The following AP2A1 variants were observed in gnomAD, a reference collection of about 807,000 sequenced individuals.
The protein encoded by AP2A1 is AP-2 complex subunit alpha-1.
AP2A1 carries 21 observed loss-of-function variants against 107.3 expected under a neutral mutation model. The observed-to-expected ratio is 0.20, with a 90% CI of 0.14 to 0.28. The LOEUF is 0.28. Among genes scored for constraint, AP2A1 ranks in the 10% least tolerant of loss-of-function variants. The probability of loss-of-function intolerance (pLI) is 1.00; values close to 1 mark genes in which losing one functional copy is unlikely to be tolerated. For missense variants in AP2A1, 873 were observed against 1,307.7 expected, an observed-to-expected ratio of 0.67 and a Z score of 5.13; for synonymous variants, 602 against 564.8, an observed-to-expected ratio of 1.07 and a Z score of -0.93.
At chr19:49,784,706 C>T (rs1161000081) in intron 4 of AP2A1, among the ~76,000 whole-genome samples, 4 of 151,834 alleles carry the variant, frequency 2.6e-5, no homozygotes, top group African/African-American at 7.3e-5. Flanking sequence ...ACCCTATTGC[C>T]ACAAAAACTA....
chr19:49,790,340 C>T (rs1018500192), intron 4 of AP2A1, among the ~76,000 whole-genome samples: 1 of 152,138 alleles, frequency 6.6e-6, no homozygotes, highest in Non-Finnish European at 1.5e-5. Context: ...TTATAAGGAC[C>T]CTGTGATGAC....
intron 1 of AP2A1, among the ~76,000 whole-genome samples, chr19:49,768,891 CT>C (rs1342188198): frequency 6.6e-6 from 1 of 152,158 alleles, no homozygotes; most frequent in Non-Finnish European, 1.5e-5. Flanking sequence ...TTGACAAATA[CT>C]TTTTGATTGC....
Position 49,798,698 on chromosome 19 carries a change from G to A in AP2A1, c.815-104G>A, listed in dbSNP as rs550184161. On this transcript the variant is annotated intron_variant, in intron 7 of 22. Coordinates refer to ENST00000354293, the MANE Select transcript of AP2A1 (RefSeq NM_130787.3). ...AATTCTCGAGTGTCAGAGGCACCCC[G>A]AGCTCCTCCTTTGGAAGACAGGAGC... 2.1e-5 allele frequency: 30 copies of A among 1,438,662 alleles called. No homozygotes were observed. The African/African-American group carries it at 3.1e-4, about 15-fold the overall frequency. The allele number at this position is 1,438,662 out of a possible 1,614,324, so 89.1% of individuals were successfully genotyped here. A position where few individuals can be genotyped will look rare whatever the true frequency, so the allele number is the denominator to read the frequency against.
intron 7 of AP2A1, 36 bp from the exon 8 acceptor site, chr19:49,798,766 G>T (rs907771697): frequency 1.3e-6 from 2 of 1,589,126 alleles, no homozygotes; most frequent in East Asian, 4.6e-5. Context: ...AGGTGGGCAG[G>T]ACACTCAGCC....
rs938373388 is a variant in AP2A1 at position 49,773,412 on chromosome 19, G to C, written c.67+6212G>C. Among the ~76,000 whole-genome samples the C allele has an allele frequency of 2.6e-5, 4 of 152,166 alleles. No individual in the cohort carries two copies. The East Asian group carries it at 7.7e-4, about 29-fold the overall frequency. Reference sequence around the variant, plus strand: ...GGTGATCCACTGCAGTGGTGACATCGAGCCCAGGCCCTGGGTCTCACTCCA... The same window carrying C: ...GGTGATCCACTGCAGTGGTGACATCCAGCCCAGGCCCTGGGTCTCACTCCA... On this transcript the variant is annotated intron_variant, in intron 1 of 22. Coordinates refer to ENST00000354293, the MANE Select transcript of AP2A1 (RefSeq NM_130787.3).
Position 49,799,632 on chromosome 19 carries a change from G to T in AP2A1, c.1138G>T (p.Glu380Ter). ...GGGCTCTGCTCTCCGCCCTCAGACG[G>T]AGCGGGACGTCAGCGTGCGGCAGCG... The part of the protein sequence containing the change: ...IDTVINALKT[E>*]RDVSVRQRAA... Residue 380 changes from glutamate (E) to a stop codon, truncating the protein, a stop_gained, in exon 10 of 23, where the codon GAG (glutamate) becomes TAG (stop). Transcript: ENST00000354293. LOFTEE classifies it high-confidence loss of function. 6.2e-7 allele frequency: 1 copy of T among 1,609,702 alleles called. No homozygotes were observed.
intron 1 of AP2A1, among the ~76,000 whole-genome samples, chr19:49,767,474 T>G (rs950848975): frequency 6.6e-5 from 10 of 151,492 alleles, no homozygotes; most frequent in Non-Finnish European, 1.5e-4. Context: ...GATGGGAGCA[T>G]AGAGGTGTCC....
Position 49,788,843 on chromosome 19 carries a change from G to C in AP2A1, c.474-3092G>C, listed in dbSNP as rs2073106935. Among the ~76,000 whole-genome samples, 2 of 152,206 alleles carry C rather than the reference G, an allele frequency of 1.3e-5. No homozygotes were observed. Among genetic ancestry groups the C allele is most frequent in the South Asian group, 4.1e-4 (2 of 4,832 alleles). On this transcript the variant is annotated intron_variant, in intron 4 of 22. Transcript: ENST00000354293. This position sits in a 1 kb window ranked among gnomAD's most constrained non-coding sequence, Gnocchi z 4.5. ...TCTTGCTGGTTTCTGGTTCTAACTTGATGACCACTGGGCAGTGAACGTTTC... is the reference window on the plus strand; with the variant it reads ...TCTTGCTGGTTTCTGGTTCTAACTTCATGACCACTGGGCAGTGAACGTTTC...
intron 6 of AP2A1, 149 bp from the exon 7 acceptor site, chr19:49,795,481 A>AC: frequency 1.6e-6 from 1 of 628,372 alleles, no homozygotes; most frequent in Non-Finnish European, 2.9e-6. Context: ...ACATAGTGAG[A>AC]CCCTGTCTCT....
Position 49,782,533 on chromosome 19 carries a change from T to C in AP2A1, c.282T>C (p.Gly94=), listed in dbSNP as rs781675072. Reference sequence around the variant, plus strand: ...ATCCACGACCTCCCTCCCCACAGGGTTACCTGTTCATTTCTGTGCTGGTGA... The same window carrying C: ...ATCCACGACCTCCCTCCCCACAGGGCTACCTGTTCATTTCTGTGCTGGTGA... ...SSNKYTEKQI[G]YLFISVLVNS... The change falls in exon 4 of 23, where the codon GGT becomes GGC. Residue 94 remains glycine (G), a splice_region_variant and synonymous_variant. Coordinates refer to ENST00000354293, the MANE Select transcript of AP2A1 (RefSeq NM_130787.3). 4 of 1,613,418 alleles carry C rather than the reference T, an allele frequency of 2.5e-6. No homozygotes were observed. The highest frequency in any genetic ancestry group is 2.5e-6 in the Non-Finnish European group (3 of 1,179,584).
chr19:49,772,205 A>C (rs1484584834), intron 1 of AP2A1, among the ~76,000 whole-genome samples: 1 of 145,414 alleles, frequency 6.9e-6, no homozygotes, highest in African/African-American at 2.6e-5. Context: ...CTATAGGCAC[A>C]TGCCATCATG....
chr19:49,795,875 C>T, intron 7 of AP2A1, 137 bp downstream of exon 7: 1 of 700,124 alleles, frequency 1.4e-6, no homozygotes. Flanking sequence ...TCCTCTGTCC[C>T]CTTACGTGGC....
intron 6 of AP2A1, among the ~76,000 whole-genome samples, 176 bp from the exon 7 acceptor site, chr19:49,795,454 C>T (rs952080639): frequency 2.6e-5 from 4 of 152,022 alleles, no homozygotes; most frequent in Admixed American, 1.3e-4. Flanking sequence ...GCCATGAGTT[C>T]GAGACCAGCC....
intron 1 of AP2A1, among the ~76,000 whole-genome samples, chr19:49,771,074 A>G (rs2084551262): frequency 6.6e-6 from 1 of 151,676 alleles, no homozygotes; most frequent in Non-Finnish European, 1.5e-5. Flanking sequence ...ATGGTCTCGA[A>G]CTCCTGGCCT....
intron 1 of AP2A1, among the ~76,000 whole-genome samples, chr19:49,774,386 T>C (rs2084595936): frequency 6.6e-6 from 1 of 151,936 alleles, no homozygotes; most frequent in East Asian, 1.9e-4. Context: ...GTGGCCCAAA[T>C]AGTTCGCCCT....
In AP2A1 at chr19:49,801,747, C is replaced by T; in HGVS notation, c.1811C>T (p.Pro604Leu). ...GCCACGGTGCTGGAGGAGATGCCGC[C>T]CTTCCCCGAGCGCGAGTCGTCCATC... ...VLATVLEEMP[P>L]FPERESSILA... is the part of the protein sequence containing the mutation. Residue 604 changes from proline (P) to leucine (L), a missense_variant, in exon 14 of 23, where the codon CCC becomes CTC. Physicochemically the swap from Pro to Leu is moderately conservative, Grantham distance 98. Coordinates refer to ENST00000354293, the MANE Select transcript of AP2A1 (RefSeq NM_130787.3). 2 of 1,568,240 alleles carry T rather than the reference C, an allele frequency of 1.3e-6. No homozygotes were observed. Among genetic ancestry groups the T allele is most frequent in the East Asian group, 2.4e-5 (1 of 42,536 alleles).
rs776529479 is a variant in AP2A1, at chr19:49,802,586, G to A, written c.2115-363G>A. The A allele has an allele frequency of 5.6e-5, 90 of 1,600,490 alleles. No homozygotes were observed. Among genetic ancestry groups the A allele is most frequent in the Middle Eastern group, 1.7e-4 (1 of 5,978 alleles). ...CCCCATGGCTTTGCTGGCTGACCCA[G>A]CTCCAGCTGCTGAGTAAGGGGTGGC... is the stretch of plus-strand genomic sequence containing the variant. On this transcript the variant is annotated intron_variant, in intron 15 of 22. Transcript: ENST00000354293.
chr19:49,769,551 G>C (rs999914069), intron 1 of AP2A1, among the ~76,000 whole-genome samples: 1 of 152,076 alleles, frequency 6.6e-6, no homozygotes, highest in Admixed American at 6.6e-5. Context: ...ACATGTGTTC[G>C]AGCGAGAGGG....
intron 1 of AP2A1, among the ~76,000 whole-genome samples, chr19:49,770,921 G>A (rs1050265916): frequency 1.3e-5 from 2 of 152,014 alleles, no homozygotes; most frequent in African/African-American, 2.4e-5. Context: ...GGGTGATCTC[G>A]GCTTACTGCA....
Sources: gnomAD v4.1 joint callset for allele counts (sites outside exome capture counted in the v4.1 genomes callset) on GRCh38, gnomAD v4.1.1 for gene constraint, Gnocchi (gnomAD v3.1) non-coding constraint, MANE v1.5 for transcripts, NCBI Gene and HGNC (gene_info 2026-07-23, HGNC 2026-07-21) for gene names.